DYM: variants seen among roughly 807,000 people sequenced by gnomAD.
The protein encoded by DYM is dymeclin.
A neutral mutation model predicts 93.1 loss-of-function variants in DYM; 78 were observed. That is an observed-to-expected ratio of 0.84 (90% CI 0.70 to 1.01). DYM has a LOEUF of 1.01. Ranked by LOEUF, DYM falls within the 50% of genes least tolerant of loss-of-function variation. The pLI, the probability that DYM is intolerant of heterozygous loss-of-function variation, is 0.00. For synonymous variants in DYM, 321 were observed against 319.7 expected, an observed-to-expected ratio of 1.00 and a Z score of -0.04; for missense variants, 789 against 845.0, an observed-to-expected ratio of 0.93 and a Z score of 0.82.
intron 3 of DYM, among the ~76,000 whole-genome samples, chr18:49,380,639 T>C (rs1429885062): frequency 2.0e-5 from 3 of 152,130 alleles, no homozygotes; most frequent in African/African-American, 7.2e-5. Context: ...AATCAAGAAA[T>C]TGGACTTAAG....
rs60775305 is a variant in DYM, at chr18:49,313,462, CAAAAAAAAAAAAAAAAAAA to C, written c.763+18383_763+18401del. Among the ~76,000 whole-genome samples the C allele has an allele frequency of 8.8e-4, 25 of 28,562 alleles. 1 individual carries two copies. The East Asian group carries it at 0.013, about 14-fold the overall frequency. The allele number at this position is 28,562 out of a possible 152,430, so 18.7% of individuals were successfully genotyped here. ...TCGGCAACAGAGCAAGACTCTGTCA[CAAAAAAAAAAAAAAAAAAA>C]AAAAAAAAAAAAAAAAGGGCTGCAG... On this transcript the variant is annotated intron_variant, in intron 8 of 17. Transcript: ENST00000675505.
intron 6 of DYM, among the ~76,000 whole-genome samples, chr18:49,341,663 T>C (rs1200765094): frequency 6.6e-6 from 1 of 152,112 alleles, no homozygotes; most frequent in African/African-American, 2.4e-5. Flanking sequence ...TTCATTCTTC[T>C]CTCTATATTT....
At position 49,391,525 on chromosome 18, in the gene DYM, C is replaced by A; in HGVS notation, c.193+68G>T. 3 of 1,420,812 alleles carry A rather than the reference C, an allele frequency of 2.1e-6. No individual in the cohort carries two copies. In the South Asian group the frequency reaches 3.5e-5, roughly 16 times the overall value. 88.0% of individuals were successfully genotyped at this position (1,420,812 alleles called of 1,614,324 possible). On this transcript the variant is annotated intron_variant, in intron 3 of 17. Coordinates refer to ENST00000675505, the MANE Select transcript of DYM (RefSeq NM_001353214.3). ...GAGTAATTACTTCATTAATTCAGTT[C>A]ATATTATACTATCAAAATCTAAAAC... is the stretch of plus-strand genomic sequence containing the variant.
At chr18:49,247,353 C>G (rs1487651677) in intron 13 of DYM, among the ~76,000 whole-genome samples, 1 of 152,166 alleles carries the variant, frequency 6.6e-6, no homozygotes, top group East Asian at 1.9e-4. Context: ...ACAAACTGTC[C>G]TTTGTCCTTG....
chr18:49,274,014 A>G (rs1183983023), intron 10 of DYM, among the ~76,000 whole-genome samples: 1 of 152,144 alleles, frequency 6.6e-6, no homozygotes, highest in East Asian at 1.9e-4. Flanking sequence ...GTATTCAGAT[A>G]CAATTTACAG....
chr18:49,459,303 T>C (rs2083272326), intron 1 of DYM, among the ~76,000 whole-genome samples: 2 of 152,176 alleles, frequency 1.3e-5, no homozygotes, highest in South Asian at 4.1e-4. Flanking sequence ...AGAATGGGAA[T>C]ATTCATACTT....
chr18:49,159,196 AT>A (rs1420707038), intron 15 of DYM, among the ~76,000 whole-genome samples: 1 of 152,240 alleles, frequency 6.6e-6, no homozygotes, highest in African/African-American at 2.4e-5. Flanking sequence ...TTTCAATATT[AT>A]TTATCCATCA....
intron 15 of DYM, among the ~76,000 whole-genome samples, chr18:49,136,475 A>G (rs969039313): frequency 3.8e-4 from 58 of 152,134 alleles, no homozygotes; most frequent in Non-Finnish European, 4.4e-5. Flanking sequence ...AATATGTATA[A>G]TATTTATAAG....
At chr18:49,203,871 T>A (rs1165138010) in intron 14 of DYM, among the ~76,000 whole-genome samples, 40 of 63,514 alleles carry the variant, frequency 6.3e-4, no homozygotes, top group African/African-American at 1.4e-3. Flanking sequence ...TTTAAAAAAG[T>A]AAAAAAAAAA....
intron 15 of DYM, among the ~76,000 whole-genome samples, chr18:49,159,682 G>A (rs893636036): frequency 4.6e-5 from 7 of 152,168 alleles, no homozygotes; most frequent in Non-Finnish European, 1.0e-4. Flanking sequence ...AGGAGTTCAA[G>A]AGCAGCCTGG....
At chr18:49,452,311 A>G (rs1455832902) in intron 1 of DYM, among the ~76,000 whole-genome samples, 1 of 152,156 alleles carries the variant, frequency 6.6e-6, no homozygotes, top group Non-Finnish European at 1.5e-5. Context: ...GATTTATTGC[A>G]AAGAGTGAAA....
intron 17 of DYM, among the ~76,000 whole-genome samples, chr18:49,073,818 C>G (rs1283174176): frequency 6.6e-6 from 1 of 152,072 alleles, no homozygotes; most frequent in East Asian, 1.9e-4. Context: ...GTTTTGGAAC[C>G]ACAAGACACA....
chr18:49,189,786 A>C (rs1031046508), intron 14 of DYM, among the ~76,000 whole-genome samples: 5 of 152,206 alleles, frequency 3.3e-5, no homozygotes, highest in African/African-American at 1.2e-4. Context: ...CTAGATGGTG[A>C]GGGTGAAATA....
At chr18:49,134,681 T>C (rs1379497196) in intron 15 of DYM, among the ~76,000 whole-genome samples, 1 of 152,186 alleles carries the variant, frequency 6.6e-6, no homozygotes, top group Non-Finnish European at 1.5e-5. Flanking sequence ...AGTGCCAACA[T>C]CATGACATGT....
intron 6 of DYM, among the ~76,000 whole-genome samples, chr18:49,348,053 C>A (rs1040022385): frequency 3.3e-5 from 5 of 152,130 alleles, no homozygotes; most frequent in African/African-American, 1.2e-4. Context: ...GCGCCATGAC[C>A]CTGCACTGCA....
chr18:49,346,954 A>G (rs898715847), intron 6 of DYM, among the ~76,000 whole-genome samples: 2 of 152,200 alleles, frequency 1.3e-5, no homozygotes, highest in Non-Finnish European at 2.9e-5. Context: ...TACCTTAAAC[A>G]TGCATGAATA....
intron 13 of DYM, among the ~76,000 whole-genome samples, chr18:49,242,449 CTGAG>C (rs1179665796): frequency 3.3e-5 from 5 of 152,164 alleles, no homozygotes; most frequent in African/African-American, 7.2e-5. Context: ...ATAAAGTAAT[CTGAG>C]TATTTCAACC....
At chr18:49,153,022 T>G (rs922313643) in intron 15 of DYM, among the ~76,000 whole-genome samples, 1 of 152,214 alleles carries the variant, frequency 6.6e-6, no homozygotes, top group Non-Finnish European at 1.5e-5. Flanking sequence ...GAGTAAGTTC[T>G]GTGGACCCAG....
At chr18:49,210,914 T>G (rs923663032) in intron 13 of DYM, among the ~76,000 whole-genome samples, 1 of 152,184 alleles carries the variant, frequency 6.6e-6, no homozygotes, top group Non-Finnish European at 1.5e-5. Flanking sequence ...AGGCTGTCAT[T>G]AGTGAACCAC....
Sources: gnomAD v4.1 joint callset for allele counts (sites outside exome capture counted in the v4.1 genomes callset) on GRCh38, gnomAD v4.1.1 for gene constraint, MANE v1.5 for transcripts, NCBI Gene and HGNC (gene_info 2026-07-23, HGNC 2026-07-21) for gene names.